Variants in GARNL3 observed in about 807,000 individuals in gnomAD.
The protein encoded by GARNL3 is GTPase activating Rap/RanGAP domain like 3.
A neutral mutation model predicts 125.0 loss-of-function variants in GARNL3; 63 were observed. The ratio of observed to expected loss-of-function variants is 0.50; its 90% CI spans 0.41 to 0.62. The LOEUF is 0.62. Ranked by LOEUF, GARNL3 falls within the 20% of genes least tolerant of loss-of-function variation. The probability of loss-of-function intolerance (pLI) is 0.00; values close to 1 mark genes in which losing one functional copy is unlikely to be tolerated. For missense variants in GARNL3, 994 were observed against 1,244.0 expected (o/e 0.80, Z 3.02); for synonymous variants, 439 against 457.5 (o/e 0.96, Z 0.52).
At position 127,275,362 on chromosome 9, in the gene GARNL3, G is replaced by A. The variant is rs538625748; in HGVS notation, c.144+10341G>A. 2.2e-4 allele frequency among the ~76,000 whole-genome samples: 33 copies of A among 152,308 alleles called. 3 individuals carry two copies. In the South Asian group the frequency reaches 6.2e-3, roughly 29 times the overall value. ...AGAGCTCTTTTTTTAGGCCCTCAGA[G>A]GAAAGTCTAGCCTATTTTAACTTAT... On this transcript the variant is annotated intron_variant, in intron 1 of 27. Transcript: ENST00000373387.
intron 21 of GARNL3, chr9:127,362,646 C>G (rs1831073365): frequency 6.6e-6 from 1 of 152,386 alleles, no homozygotes; most frequent in Non-Finnish European, 1.5e-5. Flanking sequence ...CTAACATGTA[C>G]AGGGACATCT....
intron 20 of GARNL3, among the ~76,000 whole-genome samples, chr9:127,356,197 A>G (rs919188926): frequency 4.6e-5 from 7 of 152,156 alleles, no homozygotes; most frequent in Admixed American, 1.3e-4. Flanking sequence ...GGTAGAGGGG[A>G]GCTTAGGAGG....
chr9:127,291,516 T>C (rs1223709037), intron 2 of GARNL3, among the ~76,000 whole-genome samples: 1 of 152,174 alleles, frequency 6.6e-6, no homozygotes, highest in Admixed American at 6.5e-5. Context: ...CTGTGAATGG[T>C]CCCGAGTCCC....
At chr9:127,299,970 C>T (rs1345519488) in intron 2 of GARNL3, 1 of 187,822 alleles carries the variant, frequency 5.3e-6, no homozygotes, top group East Asian at 1.4e-4. Flanking sequence ...TCCCAAAGTG[C>T]TGGGATTACA....
At chr9:127,323,393 C>T (rs2065462173) in intron 6 of GARNL3, among the ~76,000 whole-genome samples, 3 of 152,202 alleles carry the variant, frequency 2.0e-5, no homozygotes, top group African/African-American at 4.8e-5. Flanking sequence ...TGTAACCTGA[C>T]AGCCTATGAC....
chr9:127,226,418 T>A (rs2062915098), intron 1 of GARNL3, among the ~76,000 whole-genome samples: 1 of 152,208 alleles, frequency 6.6e-6, no homozygotes, highest in South Asian at 2.1e-4. Context: ...GCCTGGCATA[T>A]AAGCATCGCG....
chr9:127,225,795 T>TCCGCGGCCCGGCTCGC (rs367558671), intron 1 of GARNL3, among the ~76,000 whole-genome samples: 8 of 149,480 alleles, frequency 5.4e-5, no homozygotes, highest in African/African-American at 2.0e-4. Flanking sequence ...ACCTGCTGCC[T>TCCGCGGCCCGGCTCGC]CCGCGGCCCC....
intron 2 of GARNL3, among the ~76,000 whole-genome samples, chr9:127,302,611 C>T (rs2064834488): frequency 6.6e-6 from 1 of 152,102 alleles, no homozygotes; most frequent in Non-Finnish European, 1.5e-5. Flanking sequence ...GAAATATGCT[C>T]GTCAAGATGC....
At chr9:127,313,650 A>G (rs1460789469) in intron 4 of GARNL3, 91 bp downstream of exon 4, 6 of 873,692 alleles carry the variant, frequency 6.9e-6, no homozygotes, top group Non-Finnish European at 1.2e-5. Flanking sequence ...AGTTTCTTCC[A>G]GGGCATGCCT....
At chr9:127,347,407 G>A (rs529865197) in intron 16 of GARNL3, among the ~76,000 whole-genome samples, 1 of 152,188 alleles carries the variant, frequency 6.6e-6, no homozygotes, top group African/African-American at 2.4e-5. Flanking sequence ...GGGTGACAGA[G>A]CAAGACCTCG....
chr9:127,379,760 A>G (rs1011424270), intron 22 of GARNL3, among the ~76,000 whole-genome samples: 1 of 152,280 alleles, frequency 6.6e-6, no homozygotes, highest in Non-Finnish European at 1.5e-5. Flanking sequence ...AAAAATGCAT[A>G]GAAGAAAATA....
chr9:127,371,184 C>A (rs1831584454), intron 22 of GARNL3, among the ~76,000 whole-genome samples: 1 of 152,314 alleles, frequency 6.6e-6, no homozygotes, highest in South Asian at 2.1e-4. Flanking sequence ...TTTTATGGAC[C>A]AGTCACTCCT....
rs1332748399 is a variant in GARNL3, at chr9:127,349,050, G to T, written c.1543+15G>T. Reference sequence around the variant, plus strand: ...GCTAGTGGATGGTTAGTGAGTAGCTGCTCCTACAAATGTCTTTTTCATGTA... The same window carrying T: ...GCTAGTGGATGGTTAGTGAGTAGCTTCTCCTACAAATGTCTTTTTCATGTA... On this transcript the variant is annotated intron_variant, in intron 17 of 27. Coordinates refer to ENST00000373387, the MANE Select transcript of GARNL3 (RefSeq NM_032293.5). 6.5e-7 allele frequency: 1 copy of T among 1,544,414 alleles called. No homozygotes were observed. Among genetic ancestry groups the T allele is most frequent in the East Asian group, 2.2e-5 (1 of 44,558 alleles).
chr9:127,274,418 C>G (rs1054307598), intron 1 of GARNL3, among the ~76,000 whole-genome samples: 1 of 152,314 alleles, frequency 6.6e-6, no homozygotes, highest in African/African-American at 2.4e-5. Flanking sequence ...CCTTGGGAAC[C>G]TTGATACCAG....
intron 2 of GARNL3, among the ~76,000 whole-genome samples, chr9:127,294,631 A>AT (rs2064530079): frequency 6.6e-6 from 1 of 152,028 alleles, no homozygotes; most frequent in Non-Finnish European, 1.5e-5. Flanking sequence ...TGATTTTAAT[A>AT]TTTTTCTAGT....
At chr9:127,377,554 A>C (rs745933199) in intron 22 of GARNL3, among the ~76,000 whole-genome samples, 1 of 152,154 alleles carries the variant, frequency 6.6e-6, no homozygotes, top group Non-Finnish European at 1.5e-5. Context: ...TGGGAGGCTA[A>C]GGCGGGCAGA....
At position 127,289,027 on chromosome 9, in the gene GARNL3, C is replaced by T. The variant is rs75850703; in HGVS notation, c.145-2141C>T. Among the ~76,000 whole-genome samples, 415 of 152,314 alleles carry T rather than the reference C, an allele frequency of 2.7e-3. 2 individuals carry two copies. The highest frequency in any genetic ancestry group is 9.4e-3 in the African/African-American group (391 of 41,570). Reference sequence around the variant, plus strand: ...AATGCTTCTCCCAAAGCCCTTGAGGCAGCCTATACCAGTAACACTCTACCT... The same window carrying T: ...AATGCTTCTCCCAAAGCCCTTGAGGTAGCCTATACCAGTAACACTCTACCT... On this transcript the variant is annotated intron_variant, in intron 1 of 27. Coordinates refer to ENST00000373387, the MANE Select transcript of GARNL3 (RefSeq NM_032293.5).
At chr9:127,355,507 C>A (rs1464698554) in intron 20 of GARNL3, 35 bp downstream of exon 20, 2 of 1,598,698 alleles carry the variant, frequency 1.3e-6, no homozygotes, top group South Asian at 1.1e-5. Context: ...ATCTCCCAAC[C>A]AAGTTGTCTT....
chr9:127,393,204 C>G lies in GARNL3; in HGVS notation c.2992C>G (p.Pro998Ala), dbSNP rs930374230. ...GGGCAGCCCGGTCTCCGGCAGCAGC[C>G]CCTTCCAGCTCACGGCTTTCTCCGA... ...REGSPVSGSS[P>A]FQLTAFSDED... The change falls in exon 28 of 28, where the codon CCC becomes GCC. Residue 998 changes from proline to alanine, a missense_variant. Physicochemically the swap from Pro to Ala is conservative, Grantham distance 27 (BLOSUM62 -1). Transcript: ENST00000373387. The G allele has an allele frequency of 6.2e-7, 1 of 1,613,702 alleles. No individual in the cohort carries two copies. Among genetic ancestry groups the G allele is most frequent in the Non-Finnish European group, 8.5e-7 (1 of 1,179,564 alleles).
Sources: gnomAD v4.1 joint callset for allele counts (sites outside exome capture counted in the v4.1 genomes callset) on GRCh38, gnomAD v4.1.1 for gene constraint, MANE v1.5 for transcripts, NCBI Gene and HGNC (gene_info 2026-07-23, HGNC 2026-07-21) for gene names.